Variants in FGD6 observed in about 807,000 individuals in gnomAD.
FGD6 encodes FYVE, RhoGEF and PH domain containing 6.
FGD6 carries 90 observed loss-of-function variants against 149.4 expected under a neutral mutation model. The ratio of observed to expected loss-of-function variants is 0.60; its 90% CI spans 0.51 to 0.72. The LOEUF (loss-of-function observed/expected upper bound fraction) is 0.72. FGD6 is among the 30% of genes least tolerant of loss of function. The pLI is 0.00. For missense variants in FGD6, 1,437 were observed against 1,684.8 expected (o/e 0.85, Z 2.57); for synonymous variants, 527 against 584.0 (o/e 0.90, Z 1.41).
At chr12:95,189,432 G>C (rs11613113) in intron 2 of FGD6, 27,181 of 152,224 alleles carry the variant, frequency 0.18, 2,676 homozygotes, top group Admixed American at 0.21. Flanking sequence ...AGGATCGCTT[G>C]AGCCCAGAGT....
chr12:95,137,395 T>C, intron 7 of FGD6, 127 bp downstream of exon 7: 1 of 779,218 alleles, frequency 1.3e-6, no homozygotes, highest in Non-Finnish European at 1.9e-6. Flanking sequence ...CCATCTTTGA[T>C]TTTGAAGGGA....
rs1157918391 is a variant in FGD6, at chr12:95,152,833, T to G, written c.2663A>C (p.Asp888Ala). 3 of 1,613,398 alleles carry G rather than the reference T, an allele frequency of 1.9e-6. No individual in the cohort carries two copies. Among genetic ancestry groups the G allele is most frequent in the Non-Finnish European group, 2.5e-6 (3 of 1,179,700 alleles). The change falls in exon 5 of 21, where the codon GAT (aspartate) becomes GCT (alanine). Residue 888 changes from aspartate (D) to alanine (A), a missense_variant. Asp to Ala is a moderately radical substitution (Grantham distance 126). Transcript: ENST00000343958. ...EIMSSEKVFV[D>A]VLKLLHIDFR... Reference sequence around the variant, plus strand: ...TACAATATGCAAAAGTTTTAACACATCCACAAACCTGTAAAAAACAACAAT... The same window carrying G: ...TACAATATGCAAAAGTTTTAACACAGCCACAAACCTGTAAAAAACAACAAT...
intron 3 of FGD6, among the ~76,000 whole-genome samples, chr12:95,167,644 G>C (rs931836636): frequency 4.8e-5 from 7 of 144,920 alleles, no homozygotes; most frequent in East Asian, 4.1e-4. Context: ...GTGTGATCTC[G>C]GCTCACTGCA....
chr12:95,196,650 T>C (rs34603068), intron 2 of FGD6, among the ~76,000 whole-genome samples: 19,014 of 152,064 alleles, frequency 0.13, 1,557 homozygotes, highest in Admixed American at 0.22. Flanking sequence ...TTTTCTTTTT[T>C]TTTTTTTGAA....
intron 2 of FGD6, among the ~76,000 whole-genome samples, chr12:95,174,755 C>T (rs933768965): frequency 2.6e-5 from 4 of 151,738 alleles, no homozygotes; most frequent in East Asian, 3.9e-4. Flanking sequence ...GGTGAAACCC[C>T]GTCTCTACTA....
intron 9 of FGD6, among the ~76,000 whole-genome samples, chr12:95,109,575 AAG>A (rs1555217431): frequency 6.6e-6 from 1 of 151,720 alleles, no homozygotes; most frequent in Non-Finnish European, 1.5e-5. Context: ...TATTAAAAAA[AAG>A]AGTGGCTGGG....
chr12:95,163,215 C>T (rs935583456), intron 3 of FGD6, among the ~76,000 whole-genome samples: 1 of 152,182 alleles, frequency 6.6e-6, no homozygotes, highest in Non-Finnish European at 1.5e-5. Context: ...GCAACTCCAG[C>T]CATGCTCTCC....
intron 3 of FGD6, among the ~76,000 whole-genome samples, chr12:95,167,492 T>G (rs1353396771): frequency 6.6e-6 from 1 of 152,156 alleles, no homozygotes; most frequent in Non-Finnish European, 1.5e-5. Context: ...TTGAACACCT[T>G]TTTACATCTT....
At chr12:95,217,102 G>C in intron 1 of FGD6, 123 bp downstream of exon 1, 1 of 1,457,264 alleles carries the variant, frequency 6.9e-7, no homozygotes, top group Non-Finnish European at 9.4e-7. Context: ...CGCTTGCCGA[G>C]GTGCTCGGCA....
In FGD6 at chr12:95,136,634, T is replaced by C. The variant is rs1419146691; in HGVS notation, c.2994+888A>G. On this transcript the variant is annotated intron_variant, in intron 7 of 20. Coordinates refer to ENST00000343958, the MANE Select transcript of FGD6 (RefSeq NM_018351.4). ...TTTCTTAACTTTGGCACCAAAACCATGTTATTTATTTATCTAAAGGGAAAT... is the reference window on the plus strand; with the variant it reads ...TTTCTTAACTTTGGCACCAAAACCACGTTATTTATTTATCTAAAGGGAAAT... Among the ~76,000 whole-genome samples the C allele has an allele frequency of 2.0e-5, 3 of 152,216 alleles. No homozygotes were observed. In the East Asian group the frequency reaches 5.8e-4, roughly 29 times the overall value.
At chr12:95,122,966 C>G (rs893120914) in intron 8 of FGD6, among the ~76,000 whole-genome samples, 1 of 151,292 alleles carries the variant, frequency 6.6e-6, no homozygotes, top group Non-Finnish European at 1.5e-5. Context: ...CCTCCAGTCC[C>G]AGCTTCTTGG....
At chr12:95,167,601 G>A (rs1343180542) in intron 3 of FGD6, among the ~76,000 whole-genome samples, 1 of 142,568 alleles carries the variant, frequency 7.0e-6, no homozygotes, top group Non-Finnish European at 1.5e-5. Context: ...TTGAGATGGA[G>A]TCTAGCTCTG....
chr12:95,208,045 G>C (rs1228540600), intron 2 of FGD6, among the ~76,000 whole-genome samples: 1 of 152,096 alleles, frequency 6.6e-6, no homozygotes, highest in Non-Finnish European at 1.5e-5. Flanking sequence ...GAGCCCAGGA[G>C]TTCAAGACCA....
intron 2 of FGD6, among the ~76,000 whole-genome samples, chr12:95,185,316 G>A (rs1213454929): frequency 2.0e-5 from 3 of 152,156 alleles, no homozygotes; most frequent in East Asian, 1.9e-4. Flanking sequence ...CTTCGAAAGC[G>A]AGAGTCAGGG....
rs1361012373 is a variant in FGD6 at position 95,209,443 on chromosome 12, C to T, written c.1841G>A (p.Cys614Tyr). 5.0e-6 allele frequency: 8 copies of T among 1,612,488 alleles called. No homozygotes were observed. Among genetic ancestry groups the T allele is most frequent in the African/African-American group, 1.3e-5 (1 of 74,856 alleles). The change falls in exon 2 of 21, where the codon TGC becomes TAC. Residue 614 changes from cysteine to tyrosine, a missense_variant. Physicochemically the swap from Cys to Tyr is radical, Grantham distance 194. This residue lies in a region of FGD6 where 1,055 missense variants were observed against 1,146.0 expected (regional missense o/e 0.92). Coordinates refer to ENST00000343958, the MANE Select transcript of FGD6 (RefSeq NM_018351.4). ...KSLSAMDVEKCTKPCKDSTKK... is the reference protein window; with the variant it reads ...KSLSAMDVEKYTKPCKDSTKK... ...TGTAGAGTCTTTGCAAGGCTTAGTG[C>T]ACTTTTCCACATCCATAGCAGATAA...
intron 5 of FGD6, among the ~76,000 whole-genome samples, chr12:95,152,327 C>G (rs1488248840): frequency 6.6e-6 from 1 of 151,444 alleles, no homozygotes; most frequent in Non-Finnish European, 1.5e-5. Context: ...GATGCTCTCT[C>G]AAATCAAAAA....
In FGD6 at chr12:95,165,941, C is replaced by G. The variant is rs182298839; in HGVS notation, c.2586+6659G>C. On this transcript the variant is annotated intron_variant, in intron 3 of 20. Transcript: ENST00000343958. ...AGATTACAGGTGTGAGCCACCATGC[C>G]TGGCTTGTTTTTTCTTTTTCTGTTT... is the stretch of plus-strand genomic sequence containing the variant. Among the ~76,000 whole-genome samples the G allele has an allele frequency of 4.0e-4, 61 of 151,476 alleles. 2 individuals carry two copies. In the East Asian group the frequency reaches 0.011, roughly 28 times the overall value.
chr12:95,081,995 A>G (rs117207609), intron 20 of FGD6, among the ~76,000 whole-genome samples: 7,184 of 152,120 alleles, frequency 0.047, 250 homozygotes, highest in East Asian at 0.15. Context: ...CTTGCAGCAA[A>G]TTGGCCTTCT....
At chr12:95,113,485 C>T (rs1434012564) in intron 9 of FGD6, among the ~76,000 whole-genome samples, 166 bp downstream of exon 9, 1 of 152,032 alleles carries the variant, frequency 6.6e-6, no homozygotes, top group Non-Finnish European at 1.5e-5. Context: ...ATCTACCCGC[C>T]TCGGCCTCCC....
Sources: allele counts gnomAD v4.1 joint callset (sites outside exome capture counted in the v4.1 genomes callset), GRCh38; gene constraint gnomAD v4.1.1; regional missense constraint gnomAD v4.1.1; transcripts MANE v1.5; gene names NCBI Gene and HGNC (gene_info 2026-07-23, HGNC 2026-07-21).